SYCP2L: variants seen among roughly 807,000 people sequenced by gnomAD.
SYCP2L encodes synaptonemal complex protein 2-like.
Under a neutral mutation model 125.8 loss-of-function variants are expected in SYCP2L, and 98 were observed. The ratio of observed to expected loss-of-function variants is 0.78; its 90% confidence interval spans 0.66 to 0.92. SYCP2L has a LOEUF of 0.92. Among genes scored for constraint, SYCP2L ranks in the 40% least tolerant of loss-of-function variants. SYCP2L has a pLI of 0.00. For missense variants in SYCP2L, 842 were observed against 936.4 expected (o/e 0.90, Z 1.32); for synonymous variants, 317 against 325.4 (o/e 0.97, Z 0.28).
At chr6:10,962,262 T>C (rs1422116900) in intron 28 of SYCP2L, among the ~76,000 whole-genome samples, 1 of 90,934 alleles carries the variant, frequency 1.1e-5, no homozygotes, top group Admixed American at 1.1e-4. Context: ...GGAAGGATAT[T>C]CTTCCTAAAA....
chr6:10,891,178 T>A (rs1293045340), intron 1 of SYCP2L, among the ~76,000 whole-genome samples: 1 of 152,210 alleles, frequency 6.6e-6, no homozygotes, highest in Admixed American at 6.5e-5. Context: ...AATGGTTTAT[T>A]AGTTCAAAGC....
At chr6:10,942,412 TTTG>T in intron 21 of SYCP2L, 44 bp from the exon 22 acceptor site, 3 of 1,204,920 alleles carry the variant, frequency 2.5e-6, no homozygotes, top group Non-Finnish European at 2.3e-6. Flanking sequence ...TTCTTATTGC[TTTG>T]TTACTTGGCG....
At position 10,907,892 on chromosome 6, in the gene SYCP2L, G is replaced by GTTTTTTTTTTTTTTTTTTTTTTTTT. The variant is rs551103839; in HGVS notation, c.819+226_819+227insTTTTTTTTTTTTTTTTTTTTTTTTT. 6.6e-4 allele frequency among the ~76,000 whole-genome samples: 61 copies of GTTTTTTTTTTTTTTTTTTTTTTTTT among 91,934 alleles called. 13 individuals carry two copies. Among genetic ancestry groups the GTTTTTTTTTTTTTTTTTTTTTTTTT allele is most frequent in the Non-Finnish European group, 8.3e-4 (41 of 49,678 alleles). The allele number at this position is 91,934 out of a possible 152,430, so 60.3% of individuals were successfully genotyped here. A position where few individuals can be genotyped will look rare whatever the true frequency, so the allele number is the denominator to read the frequency against. On this transcript the variant is annotated intron_variant, in intron 10 of 29. Coordinates refer to ENST00000283141, the MANE Select transcript of SYCP2L (RefSeq NM_001040274.3). The stretch of plus-strand genomic sequence containing the variant: ...GAGCTAGATATAGGGATACAGATAG[G>GTTTTTTTTTTTTTTTTTTTTTTTTT]TTTTTTTTTTTTTTTTTTGACAGAG...
chr6:10,952,134 T>C (rs930865674), intron 23 of SYCP2L, among the ~76,000 whole-genome samples: 2 of 152,290 alleles, frequency 1.3e-5, no homozygotes, highest in Non-Finnish European at 1.5e-5. Flanking sequence ...AACTCTGTTA[T>C]GAAAATGTTG....
At chr6:10,923,917 C>T (rs916888742) in intron 14 of SYCP2L, among the ~76,000 whole-genome samples, 1 of 144,390 alleles carries the variant, frequency 6.9e-6, no homozygotes. Flanking sequence ...ATCTCCTGAC[C>T]TCGTGATCCA....
intron 21 of SYCP2L, among the ~76,000 whole-genome samples, chr6:10,938,254 A>T (rs1305719824): frequency 6.6e-6 from 1 of 152,240 alleles, no homozygotes; most frequent in African/African-American, 2.4e-5. Flanking sequence ...GGAAGTTTCC[A>T]TATATGCAAA....
At chr6:10,960,816 C>T (rs1417409158) in intron 26 of SYCP2L, among the ~76,000 whole-genome samples, 1 of 152,140 alleles carries the variant, frequency 6.6e-6, no homozygotes, top group African/African-American at 2.4e-5. Context: ...TGGCTCACGC[C>T]TGTAATCCCA....
At chr6:10,963,462 TG>T (rs1472759679) in intron 28 of SYCP2L, 3 of 296,126 alleles carry the variant, frequency 1.0e-5, no homozygotes, top group Non-Finnish European at 1.9e-5. Flanking sequence ...GTTAAAGAAA[TG>T]AAAAGAATAT....
At chr6:10,928,954 C>T (rs1350243435) in intron 18 of SYCP2L, among the ~76,000 whole-genome samples, 1 of 150,690 alleles carries the variant, frequency 6.6e-6, no homozygotes, top group African/African-American at 2.5e-5. Flanking sequence ...GCTAATGGCA[C>T]AATCTTGGCT....
At chr6:10,933,940 G>A (rs1162044993) in intron 20 of SYCP2L, among the ~76,000 whole-genome samples, 1 of 152,156 alleles carries the variant, frequency 6.6e-6, no homozygotes, top group Non-Finnish European at 1.5e-5. Flanking sequence ...AGTAAGCTGA[G>A]TAAAGGAAAT....
rs200583890 is a variant in SYCP2L, at chr6:10,912,662, A to G, written c.919-11A>G. 5.6e-6 allele frequency: 9 copies of G among 1,600,194 alleles called. No homozygotes were observed. The highest frequency in any genetic ancestry group is 7.7e-6 in the Non-Finnish European group (9 of 1,169,282). ...TATGTGTATAAGTCATGCTGAAATG[A>G]TCTCTTACAGATGAGAAAACCAGCG... On this transcript the variant is annotated splice_polypyrimidine_tract_variant and intron_variant, in intron 12 of 29. Coordinates refer to ENST00000283141, the MANE Select transcript of SYCP2L (RefSeq NM_001040274.3). This position sits in a 1 kb window ranked among gnomAD's most constrained non-coding sequence, Gnocchi z 4.1.
chr6:10,941,075 G>GTGCTGGGAAA (rs1396362798), intron 21 of SYCP2L, among the ~76,000 whole-genome samples: 2 of 152,180 alleles, frequency 1.3e-5, no homozygotes, highest in African/African-American at 4.8e-5. Flanking sequence ...TTAATAAGTG[G>GTGCTGGGAAA]TGCTGGGAAA....
At chr6:10,914,918 G>A (rs1455275305) in intron 14 of SYCP2L, among the ~76,000 whole-genome samples, 1 of 151,810 alleles carries the variant, frequency 6.6e-6, no homozygotes, top group Non-Finnish European at 1.5e-5. Context: ...AGCTAATTTT[G>A]TATTTTTAGT....
intron 21 of SYCP2L, among the ~76,000 whole-genome samples, chr6:10,941,414 G>T (rs1581836741): frequency 6.6e-6 from 1 of 152,200 alleles, no homozygotes; most frequent in African/African-American, 2.4e-5. Context: ...CTGACAAAGG[G>T]CTAATATCCA....
In SYCP2L at chr6:10,903,683, G is replaced by A. The variant is rs552348493; in HGVS notation, c.641+720G>A. On this transcript the variant is annotated intron_variant, in intron 8 of 29. Transcript: ENST00000283141. ...GGAGAATCGCTTGAACCCAGGAGGCGGAGGTTGCAGTGAGCTGAGATTGCA... is the reference window on the plus strand; with the variant it reads ...GGAGAATCGCTTGAACCCAGGAGGCAGAGGTTGCAGTGAGCTGAGATTGCA... Among the ~76,000 whole-genome samples, 4 of 152,038 alleles carry A rather than the reference G, an allele frequency of 2.6e-5. No individual in the cohort carries two copies. The South Asian group carries it at 6.2e-4, about 24-fold the overall frequency.
At chr6:10,963,866 T>C (rs780398354) in intron 29 of SYCP2L, 23 bp downstream of exon 29, 7 of 1,586,810 alleles carry the variant, frequency 4.4e-6, no homozygotes, top group East Asian at 2.2e-5. Flanking sequence ...ATTTGCATTG[T>C]TCAGTGGATG....
intron 28 of SYCP2L, among the ~76,000 whole-genome samples, chr6:10,962,270 A>C (rs563284314): frequency 6.6e-6 from 1 of 152,274 alleles, no homozygotes; most frequent in African/African-American, 2.4e-5. Flanking sequence ...ATTCTTCCTA[A>C]AACCTATGCA....
chr6:10,956,304 T>G, intron 25 of SYCP2L, 62 bp downstream of exon 25: 1 of 1,263,196 alleles, frequency 7.9e-7, no homozygotes, highest in Admixed American at 1.8e-5. Context: ...TTATGCTAAG[T>G]GAAATAAGCC....
chr6:10,952,794 T>C (rs917964058), intron 23 of SYCP2L, among the ~76,000 whole-genome samples: 8 of 151,330 alleles, frequency 5.3e-5, no homozygotes, highest in Admixed American at 6.6e-5. Context: ...AATTGGGTTC[T>C]TTTTTTTTAT....
Sources: gnomAD v4.1 joint callset for allele counts (sites outside exome capture counted in the v4.1 genomes callset) on GRCh38, gnomAD v4.1.1 for gene constraint, Gnocchi (gnomAD v3.1) non-coding constraint, MANE v1.5 for transcripts, NCBI Gene and HGNC (gene_info 2026-07-23, HGNC 2026-07-21) for gene names.